The following VPS37A variants were observed in gnomAD, a reference collection of about 807,000 sequenced individuals.
VPS37A encodes the protein VPS37A subunit of ESCRT-I, also known as vacuolar protein sorting-associated protein 37A.
Under a neutral mutation model 49.8 loss-of-function variants are expected in VPS37A, and 30 were observed. The observed-to-expected ratio is 0.60, with a 90% CI of 0.45 to 0.82. The LOEUF (loss-of-function observed/expected upper bound fraction) is 0.82, where lower values mean the gene tolerates loss of function less well. Among genes scored for constraint, VPS37A ranks in the 40% least tolerant of loss-of-function variants. The pLI, the probability that VPS37A is intolerant of heterozygous loss-of-function variation, is 0.00. For missense variants in VPS37A, 593 were observed against 464.4 expected (o/e 1.28, Z -2.55); for synonymous variants, 195 against 160.6 (o/e 1.21, Z -1.62).
At chr8:17,256,290 ATTTTTTTTTT>A (rs529736602) in intron 1 of VPS37A, among the ~76,000 whole-genome samples, 4 of 60,388 alleles carry the variant, frequency 6.6e-5, no homozygotes, top group African/African-American at 1.5e-4. Context: ...GGGTAAAATG[ATTTTTTTTTT>A]TTTTTTTTTT....
chr8:17,247,882 T>C (rs1345318042), intron 1 of VPS37A: 3 of 655,256 alleles, frequency 4.6e-6, no homozygotes, highest in East Asian at 2.7e-5. Flanking sequence ...TCAGTCTTCT[T>C]GAGTCTCTAA....
At chr8:17,284,369 G>A (rs1815387897) in intron 9 of VPS37A, 104 bp from the exon 10 acceptor site, 4 of 1,319,480 alleles carry the variant, frequency 3.0e-6, no homozygotes, top group Non-Finnish European at 4.0e-6. Context: ...GCTATATAGG[G>A]CATATAATAA....
At chr8:17,247,414 A>T in intron 1 of VPS37A, 45 bp downstream of exon 1, 4 of 65,294 alleles carry the variant, frequency 6.1e-5, no homozygotes, top group Non-Finnish European at 8.9e-5. Context: ...GTAGGGTGGG[A>T]GGGCGGGCTT....
intron 11 of VPS37A, among the ~76,000 whole-genome samples, chr8:17,294,564 C>T (rs1359844694): frequency 1.3e-5 from 2 of 152,140 alleles, no homozygotes; most frequent in African/African-American, 2.4e-5. Context: ...AAACCCGGGC[C>T]CCTGGTGGTG....
At chr8:17,320,689 C>T in the VPS37A span, among the ~76,000 whole-genome samples, 2 of 152,324 alleles carry the variant, frequency 1.3e-5, no homozygotes, top group South Asian at 2.1e-4. Context: ...TGAGCAAGCT[C>T]GGCCCTTCTG....
chr8:17,291,118 G>A (rs531373179), intron 11 of VPS37A, among the ~76,000 whole-genome samples: 6 of 152,104 alleles, frequency 3.9e-5, no homozygotes, highest in Admixed American at 3.9e-4. Flanking sequence ...GGTTTAAGCA[G>A]TTCTCTGCCT....
In VPS37A at chr8:17,247,151, C is replaced by G. The variant is rs1183758785; in HGVS notation, c.-94C>G. 2 of 1,524,014 alleles carry G rather than the reference C, an allele frequency of 1.3e-6. No individual in the cohort carries two copies. Among genetic ancestry groups the G allele is most frequent in the African/African-American group, 2.8e-5 (2 of 72,406 alleles). The allele number at this position is 1,524,014 out of a possible 1,614,324, so 94.4% of individuals were successfully genotyped here. A position where few individuals can be genotyped will look rare whatever the true frequency, so the allele number is the denominator to read the frequency against. On this transcript the variant is annotated 5_prime_UTR_variant, in exon 1 of 12. Coordinates refer to ENST00000324849, the MANE Select transcript of VPS37A (RefSeq NM_152415.3). ...AGCGCTTGGGCCACGGACGTCCCAC[C>G]CCGCTCCTCTGTCGCTGGAGAACCG...
intron 4 of VPS37A, among the ~76,000 whole-genome samples, chr8:17,274,433 C>G (rs551522899): frequency 1.3e-5 from 2 of 152,036 alleles, no homozygotes; most frequent in African/African-American, 4.8e-5. Context: ...GCTGAAAACT[C>G]AAAAATGGCC....
chr8:17,276,513 A>G, intron 6 of VPS37A, 46 bp downstream of exon 6: 1 of 1,537,236 alleles, frequency 6.5e-7, no homozygotes, highest in South Asian at 1.2e-5. Flanking sequence ...TTTTATTTGT[A>G]AGCATAAACC....
At chr8:17,315,503 T>C in the VPS37A span, among the ~76,000 whole-genome samples, 14 of 152,158 alleles carry the variant, frequency 9.2e-5, no homozygotes, top group Admixed American at 2.0e-4. Flanking sequence ...GGTGCACTGA[T>C]CACAACAATG....
the VPS37A span, chr8:17,331,433 G>T: frequency 8.0e-6 from 6 of 753,916 alleles, no homozygotes; most frequent in Non-Finnish European, 1.0e-5. Context: ...ACCTTGTACT[G>T]AACTACATAG....
chr8:17,325,262 G>A, the VPS37A span, among the ~76,000 whole-genome samples: 1 of 152,104 alleles, frequency 6.6e-6, no homozygotes, highest in Non-Finnish European at 1.5e-5. Context: ...CATCCAACAT[G>A]TGACCGTCAT....
At chr8:17,269,570 A>G (rs909815303) in intron 4 of VPS37A, among the ~76,000 whole-genome samples, 2 of 152,228 alleles carry the variant, frequency 1.3e-5, no homozygotes, top group African/African-American at 4.8e-5. Context: ...ATATCAAACC[A>G]GTAAGATAAT....
Position 17,284,592 on chromosome 8 carries a change from C to A in VPS37A, c.1089C>A (p.Leu363=). ...GAAAGATGGAAATAGATGATTTTCT[C>A]AGTAGCTTCATGGAAAAGAGAACAG... The part of the protein sequence containing the change: ...LEGKMEIDDF[L]SSFMEKRTIC... The change falls in exon 10 of 12, where the codon CTC becomes CTA. Residue 363 remains leucine, a synonymous_variant. Transcript: ENST00000324849. The A allele has an allele frequency of 6.3e-7, 1 of 1,599,266 alleles. No homozygotes were observed. The highest frequency in any genetic ancestry group is 1.4e-5 in the African/African-American group (1 of 73,954).
intron 2 of VPS37A, among the ~76,000 whole-genome samples, chr8:17,268,040 A>G (rs910551925): frequency 2.0e-5 from 3 of 152,206 alleles, no homozygotes; most frequent in African/African-American, 7.2e-5. Context: ...CATATTTCAC[A>G]TTAAGATTTT....
At chr8:17,304,338 A>C (rs1199553635), downstream of VPS37A, 7 of 1,594,962 alleles carry the variant, frequency 4.4e-6, no homozygotes, top group Non-Finnish European at 6.0e-6. Flanking sequence ...CCAGAATCCA[A>C]GTTCATACCA....
At chr8:17,262,238 T>C (rs1053293606) in intron 1 of VPS37A, among the ~76,000 whole-genome samples, 1 of 152,170 alleles carries the variant, frequency 6.6e-6, no homozygotes, top group Non-Finnish European at 1.5e-5. Context: ...TCGTTGGTGT[T>C]AATCTTAGTG....
chr8:17,292,664 G>C (rs566383214), intron 11 of VPS37A, among the ~76,000 whole-genome samples: 1 of 152,278 alleles, frequency 6.6e-6, no homozygotes, highest in African/African-American at 2.4e-5. Context: ...CGTGGTGACA[G>C]AATCCCTCAG....
chr8:17,304,413 G>A (rs143013897), downstream of VPS37A: 11 of 1,613,934 alleles, frequency 6.8e-6, no homozygotes, highest in Non-Finnish European at 9.3e-6. Flanking sequence ...GTAGGGAGAT[G>A]AAGGGTTCCC....
Sources: allele counts gnomAD v4.1 joint callset (sites outside exome capture counted in the v4.1 genomes callset), GRCh38; gene constraint gnomAD v4.1.1; transcripts MANE v1.5; gene names NCBI Gene and HGNC (gene_info 2026-07-23, HGNC 2026-07-21).